The following COMMD1 variants were observed in gnomAD, a reference collection of about 807,000 sequenced individuals.
COMMD1 encodes the protein copper metabolism domain containing 1, also known as COMM domain-containing protein 1.
COMMD1 carries 10 observed loss-of-function variants against 17.2 expected under a neutral mutation model. That is an observed-to-expected ratio of 0.58 (90% CI 0.36 to 0.99). The LOEUF is 0.99. Ranked by LOEUF, COMMD1 falls within the 50% of genes least tolerant of loss-of-function variation. The probability of loss-of-function intolerance (pLI) is 0.01; values close to 1 mark genes in which losing one functional copy is unlikely to be tolerated. For synonymous variants in COMMD1, 97 were observed against 91.6 expected, an observed-to-expected ratio of 1.06 and a Z score of -0.34; for missense variants, 270 against 231.8, an observed-to-expected ratio of 1.17 and a Z score of -1.07.
intron 2 of COMMD1, among the ~76,000 whole-genome samples, chr2:62,126,815 G>A (rs900424621): frequency 6.6e-6 from 1 of 152,096 alleles, no homozygotes; most frequent in Non-Finnish European, 1.5e-5. Context: ...TTGAAAACCG[G>A]CATAAGACAG....
At chr2:61,906,078 C>T (rs13422037) in intron 1 of COMMD1, among the ~76,000 whole-genome samples, 1,969 of 152,296 alleles carry the variant, frequency 0.013, 31 homozygotes, top group African/African-American at 0.044. Context: ...GTTCCCAGTC[C>T]CCCGGTAGAC....
intron 1 of COMMD1, among the ~76,000 whole-genome samples, chr2:61,892,465 G>C (rs190046640): frequency 1.3e-5 from 2 of 151,894 alleles, no homozygotes; most frequent in Non-Finnish European, 2.9e-5. Flanking sequence ...GGCGGAGGAG[G>C]GTGGATCAGC....
intron 2 of COMMD1, among the ~76,000 whole-genome samples, chr2:62,081,827 T>A (rs920662407): frequency 1.3e-5 from 2 of 152,166 alleles, no homozygotes; most frequent in Non-Finnish European, 2.9e-5. Context: ...TCAGAAAAAA[T>A]TTCAATTTGT....
chr2:62,088,886 A>G (rs1340094658), intron 2 of COMMD1, among the ~76,000 whole-genome samples: 1 of 152,244 alleles, frequency 6.6e-6, no homozygotes, highest in Non-Finnish European at 1.5e-5. Flanking sequence ...ACTTAATCAA[A>G]TACATTTAAG....
intron 1 of COMMD1, among the ~76,000 whole-genome samples, chr2:61,947,965 ATAT>A (rs1670955015): frequency 6.6e-6 from 1 of 152,136 alleles, no homozygotes; most frequent in African/African-American, 2.4e-5. Context: ...TCTAATAAAT[ATAT>A]TAGCTTATTT....
intron 2 of COMMD1, among the ~76,000 whole-genome samples, chr2:62,037,698 G>T: frequency 6.6e-6 from 1 of 152,144 alleles, no homozygotes; most frequent in East Asian, 1.9e-4. Flanking sequence ...AATATACATG[G>T]CTCTGGCCCT....
intron 2 of COMMD1, among the ~76,000 whole-genome samples, chr2:62,027,077 T>C (rs187108633): frequency 6.6e-6 from 1 of 152,330 alleles, no homozygotes; most frequent in Admixed American, 6.5e-5. Context: ...TATTGAGATA[T>C]CATGTGAAAT....
intron 1 of COMMD1, among the ~76,000 whole-genome samples, chr2:61,912,578 T>C (rs552876973): frequency 6.6e-6 from 1 of 152,156 alleles, no homozygotes; most frequent in South Asian, 2.1e-4. Context: ...CTACTAAAAA[T>C]ACAAAAATTA....
intron 2 of COMMD1, among the ~76,000 whole-genome samples, chr2:62,115,572 G>A (rs1672568307): frequency 1.3e-5 from 2 of 152,132 alleles, no homozygotes; most frequent in East Asian, 1.9e-4. Flanking sequence ...TCTAGTTAGG[G>A]TATTACTGGG....
chr2:61,951,459 C>CA (rs78945501), intron 1 of COMMD1, among the ~76,000 whole-genome samples: 3,104 of 98,070 alleles, frequency 0.032, 86 homozygotes, highest in African/African-American at 0.085. Flanking sequence ...GACTCTGTCT[C>CA]AAAAAAAAAA....
At chr2:61,939,538 T>A (rs1478544245) in intron 1 of COMMD1, among the ~76,000 whole-genome samples, 4 of 152,160 alleles carry the variant, frequency 2.6e-5, no homozygotes, top group Admixed American at 6.6e-5. Context: ...GCTGGAACTT[T>A]ACCTAAAAAT....
chr2:61,905,561 C>A, upstream of COMMD1: 3 of 1,029,364 alleles, frequency 2.9e-6, no homozygotes, highest in African/African-American at 1.6e-5. Flanking sequence ...CCTGGGGAAG[C>A]CTTGCCTCCA....
At chr2:61,969,190 A>G (rs972723624) in intron 1 of COMMD1, 60 of 176,336 alleles carry the variant, frequency 3.4e-4, no homozygotes, top group African/African-American at 1.4e-3. Context: ...TTTATAAAAT[A>G]CTTATTTACC....
chr2:61,935,400 G>A (rs1389128406), intron 1 of COMMD1, among the ~76,000 whole-genome samples: 3 of 152,062 alleles, frequency 2.0e-5, no homozygotes, highest in Non-Finnish European at 4.4e-5. Flanking sequence ...AGGCTGAGGC[G>A]GGTGGATCAC....
At chr2:62,089,346 C>T (rs541550118) in intron 2 of COMMD1, among the ~76,000 whole-genome samples, 7 of 147,920 alleles carry the variant, frequency 4.7e-5, no homozygotes, top group South Asian at 2.1e-4. Context: ...AGTGCAGTGG[C>T]GTGATCTTGG....
chr2:62,011,804 C>A (rs1298939664), intron 2 of COMMD1, among the ~76,000 whole-genome samples: 3 of 152,122 alleles, frequency 2.0e-5, no homozygotes, highest in Non-Finnish European at 4.4e-5. Flanking sequence ...TTGAAGAAGG[C>A]AGTTCTTAAG....
intron 2 of COMMD1, among the ~76,000 whole-genome samples, chr2:62,110,861 A>G (rs1397248342): frequency 1.3e-5 from 2 of 152,210 alleles, no homozygotes; most frequent in Non-Finnish European, 2.9e-5. Flanking sequence ...TATATGAGAA[A>G]TAACCCAGAG....
chr2:61,930,527 TCCTGGGTGACAGAG>T (rs1329662895), intron 1 of COMMD1, among the ~76,000 whole-genome samples: 2 of 151,702 alleles, frequency 1.3e-5, no homozygotes, highest in African/African-American at 2.4e-5. Context: ...TTGCACTCTA[TCCTGGGTGACAGAG>T]CAAGACTCCG....
At chr2:62,107,231 T>G (rs1297255930) in intron 2 of COMMD1, among the ~76,000 whole-genome samples, 1 of 152,256 alleles carries the variant, frequency 6.6e-6, no homozygotes, top group East Asian at 1.9e-4. Flanking sequence ...ATGTTTTCTT[T>G]AAAAGAACAA....
Sources: allele counts gnomAD v4.1 joint callset (sites outside exome capture counted in the v4.1 genomes callset), GRCh38; gene constraint gnomAD v4.1.1; transcripts MANE v1.5; gene names NCBI Gene and HGNC (gene_info 2026-07-23, HGNC 2026-07-21).